EXOSC1: variants seen among roughly 807,000 people sequenced by gnomAD.
EXOSC1 encodes the protein exosome component 1, also known as exosome complex component CSL4.
In EXOSC1, 27 loss-of-function variants were observed where a neutral mutation model predicts 31.4. The ratio of observed to expected loss-of-function variants is 0.86; its 90% CI spans 0.63 to 1.18. The LOEUF is 1.18. EXOSC1 is among the 50% of genes most tolerant of loss of function. The pLI, the probability that EXOSC1 is intolerant of heterozygous loss-of-function variation, is 0.00. For missense variants in EXOSC1, 228 were observed against 250.3 expected (o/e 0.91, Z 0.60); for synonymous variants, 84 against 89.5 (o/e 0.94, Z 0.35).
chr10:97,440,969 C>T (rs1448973029), intron 4 of EXOSC1: 1 of 445,704 alleles, frequency 2.2e-6, no homozygotes, highest in Non-Finnish European at 4.0e-6. Context: ...TACTTTTAAA[C>T]CCTCTCGTTA....
chr10:97,438,401 A>G (rs958075839), intron 5 of EXOSC1, among the ~76,000 whole-genome samples: 1 of 151,700 alleles, frequency 6.6e-6, no homozygotes, highest in African/African-American at 2.4e-5. Context: ...GGCTCAAGCA[A>G]TCCTCCAGCC....
chr10:97,437,139 C>G (rs1317445309), intron 7 of EXOSC1, 52 bp downstream of exon 7: 2 of 1,495,492 alleles, frequency 1.3e-6, no homozygotes, highest in African/African-American at 2.8e-5. Flanking sequence ...ATGGATTTAT[C>G]CCAAACCATA....
chr10:97,441,951 C>A (rs376094269), intron 3 of EXOSC1, among the ~76,000 whole-genome samples: 4 of 148,692 alleles, frequency 2.7e-5, no homozygotes, highest in Non-Finnish European at 5.9e-5. Context: ...CTGAGGTGGG[C>A]GCATCACTTG....
intron 2 of EXOSC1, chr10:97,444,654 A>T (rs1272035051): frequency 6.6e-6 from 1 of 152,248 alleles, no homozygotes; most frequent in Non-Finnish European, 1.5e-5. Context: ...GAAAATACTC[A>T]AGTGATATCT....
intron 3 of EXOSC1, among the ~76,000 whole-genome samples, chr10:97,442,501 A>G (rs540050705): frequency 2.6e-5 from 4 of 152,182 alleles, no homozygotes; most frequent in Non-Finnish European, 5.9e-5. Flanking sequence ...AATGTGGCTA[A>G]TGTGACTAAG....
chr10:97,443,736 T>G (rs540299850), intron 2 of EXOSC1: 96 of 159,410 alleles, frequency 6.0e-4, no homozygotes, highest in Admixed American at 1.0e-3. Flanking sequence ...TTTTTGGTGA[T>G]TCTCTCAGAA....
rs1845525559 is a variant in EXOSC1 at position 97,436,103 on chromosome 10, A to T, written c.*342T>A. The T allele has an allele frequency of 1.1e-5, 3 of 279,074 alleles. No homozygotes were observed. Among genetic ancestry groups the T allele is most frequent in the African/African-American group, 2.3e-5 (1 of 42,624 alleles). The allele number at this position is 279,074 out of a possible 1,614,324, so 17.3% of individuals were successfully genotyped here. ...GTACTGAAATGTCCTGACACCATTT[A>T]GATGTCTTTCTCTGCTTAAGACAAC... On this transcript the variant is annotated 3_prime_UTR_variant, in exon 8 of 8. Coordinates refer to ENST00000370902, the MANE Select transcript of EXOSC1 (RefSeq NM_016046.5).
intron 3 of EXOSC1, among the ~76,000 whole-genome samples, chr10:97,442,287 CCT>C (rs1845744890): frequency 6.6e-6 from 1 of 152,148 alleles, no homozygotes; most frequent in African/African-American, 2.4e-5. Context: ...CTCTGGCATC[CCT>C]GTTTCCCAGA....
rs143345916 is a variant in EXOSC1 at position 97,445,362 on chromosome 10, A to G, written c.147+370T>C. ...ATTATAACTTTTAAACACAGAAAAG[A>G]CAGTATGACTAGATTGCGTCAGTGA... On this transcript the variant is annotated intron_variant, in intron 2 of 7. Coordinates refer to ENST00000370902, the MANE Select transcript of EXOSC1 (RefSeq NM_016046.5). 1,493 of 213,412 alleles carry G rather than the reference A, an allele frequency of 7.0e-3. 63 individuals are homozygous for G. The highest frequency in any genetic ancestry group is 0.067 in the Admixed American group (1,266 of 18,996). The allele number at this position is 213,412 out of a possible 1,614,324, so 13.2% of individuals were successfully genotyped here.
At chr10:97,437,504 C>G (rs750550144) in intron 6 of EXOSC1, among the ~76,000 whole-genome samples, 196 bp downstream of exon 6, 2 of 152,162 alleles carry the variant, frequency 1.3e-5, no homozygotes, top group Non-Finnish European at 1.5e-5. Context: ...TGTGCCACCA[C>G]GCCCAGCTAA....
chr10:97,445,784 T>C lies in EXOSC1; in HGVS notation c.95A>G (p.Tyr32Cys), dbSNP rs767466421. Reference protein sequence around the residue: ...PGSGTYTRHGYIFSSLAGCLM... With the variant: ...PGSGTYTRHGCIFSSLAGCLM... ...ACAGCCGGCAAGCGACGAAAAGATG[T>C]AGCCGTGGCGGGTGTAGGTGCCGCT... Residue 32 changes from tyrosine (Y) to cysteine (C), a missense_variant, in exon 2 of 8, where the codon TAC becomes TGC. Coordinates refer to ENST00000370902, the MANE Select transcript of EXOSC1 (RefSeq NM_016046.5). 12 of 1,613,932 alleles carry C rather than the reference T, an allele frequency of 7.4e-6. No individual in the cohort carries two copies. Among genetic ancestry groups the C allele is most frequent in the African/African-American group, 2.7e-5 (2 of 74,932 alleles).
At position 97,436,446 on chromosome 10, in the gene EXOSC1, T is replaced by A. The variant is rs1433846391; in HGVS notation, c.587A>T (p.Ter196LeuextTer44). 1 of 1,610,646 alleles carries A rather than the reference T, an allele frequency of 6.2e-7. No individual in the cohort carries two copies. Among genetic ancestry groups the A allele is most frequent in the Non-Finnish European group, 8.5e-7 (1 of 1,177,242 alleles). ...TTCCATAGGGTAAAAAGTGGCTTCT[T>A]AGGTCTGCAAGAATTCGGGTTGTAC... ...ARVQPEFLQT[*>L] The change falls in exon 8 of 8, where the codon TAA becomes TTA. Residue 196 changes from the stop codon to leucine, a stop_lost. Transcript: ENST00000370902.
At chr10:97,443,410 T>G (rs1589468069) in intron 2 of EXOSC1, 99 bp from the exon 3 acceptor site, 2 of 1,051,064 alleles carry the variant, frequency 1.9e-6, no homozygotes, top group Non-Finnish European at 1.4e-6. Flanking sequence ...GGTATAAAGG[T>G]GAGAGTTGGA....
chr10:97,445,746 T>G lies in EXOSC1; in HGVS notation c.133A>C (p.Ser45Arg), dbSNP rs1285269718. ...SSLAGCLMKSSENGALPVVSV... is the reference protein window; with the variant it reads ...SSLAGCLMKSRENGALPVVSV... ...GCTTCCTTTACCGCGCCATTCTCGC[T>G]GCTCTTCATCAGACAGCCGGCAAGC... is the stretch of plus-strand genomic sequence containing the variant. The change falls in exon 2 of 8, where the codon AGC becomes CGC. Residue 45 changes from serine to arginine, a missense_variant. Coordinates refer to ENST00000370902, the MANE Select transcript of EXOSC1 (RefSeq NM_016046.5). The G allele has an allele frequency of 4.3e-6, 7 of 1,613,364 alleles. No homozygotes were observed. The African/African-American group carries it at 9.3e-5, about 22-fold the overall frequency.
intron 3 of EXOSC1, among the ~76,000 whole-genome samples, chr10:97,441,951 C>T (rs376094269): frequency 1.5e-3 from 221 of 148,720 alleles, no homozygotes; most frequent in African/African-American, 5.2e-3. Context: ...CTGAGGTGGG[C>T]GCATCACTTG....
chr10:97,441,490 T>G (rs1274011577), intron 3 of EXOSC1, among the ~76,000 whole-genome samples: 1 of 149,796 alleles, frequency 6.7e-6, no homozygotes, highest in Non-Finnish European at 1.5e-5. Context: ...GTATGGGTTT[T>G]TTTTTTTTTT....
intron 3 of EXOSC1, 123 bp from the exon 4 acceptor site, chr10:97,441,382 C>A (rs1310657857): frequency 3.1e-5 from 18 of 589,458 alleles, no homozygotes; most frequent in East Asian, 7.0e-5. Context: ...GAATTTAAGA[C>A]AAATTAACTC....
At position 97,441,242 on chromosome 10, in the gene EXOSC1, T is replaced by G; in HGVS notation, c.240A>C (p.Ser80=). 6.2e-7 allele frequency: 1 copy of G among 1,614,012 alleles called. No homozygotes were observed. Among genetic ancestry groups the G allele is most frequent in the Non-Finnish European group, 8.5e-7 (1 of 1,179,948 alleles). ...IVTCKVSSIN[S]RFAKVHILYV... ...ACAGGATGTGTACTTTGGCAAAGCG[T>G]GAATTGATGCTAGAGACCTGCGGAA... The change falls in exon 4 of 8, where the codon TCA becomes TCC. Residue 80 remains serine (S), a synonymous_variant. Transcript: ENST00000370902.
At chr10:97,437,595 G>T in intron 6 of EXOSC1, 105 bp downstream of exon 6, 1 of 1,047,174 alleles carries the variant, frequency 9.5e-7, no homozygotes. Flanking sequence ...TGATCCACCC[G>T]CCCTGGCCTC....
Sources: allele counts gnomAD v4.1 joint callset (sites outside exome capture counted in the v4.1 genomes callset), GRCh38; gene constraint gnomAD v4.1.1; transcripts MANE v1.5; gene names NCBI Gene and HGNC (gene_info 2026-07-23, HGNC 2026-07-21).